EYA1: variants seen among roughly 807,000 people sequenced by gnomAD.
EYA1 encodes the protein protein phosphatase EYA1.
In EYA1, 16 loss-of-function variants were observed where a neutral mutation model predicts 82.0. The observed-to-expected ratio is 0.20, with a 90% confidence interval of 0.13 to 0.30. EYA1 has a LOEUF of 0.30. Ranked by LOEUF, EYA1 falls within the 10% of genes least tolerant of loss-of-function variation. The pLI is 1.00. For synonymous variants in EYA1, 261 were observed against 264.4 expected (o/e 0.99, Z 0.12); for missense variants, 633 against 730.7 (o/e 0.87, Z 1.54).
At chr8:71,513,225 G>GA (rs145445752) in intron 2 of EYA1, among the ~76,000 whole-genome samples, 4,358 of 152,162 alleles carry the variant, frequency 0.029, 220 homozygotes, top group African/African-American at 0.099. Flanking sequence ...TAAATTCACT[G>GA]AAATAGTACA....
At chr8:71,278,023 C>A (rs1207226706) in intron 9 of EYA1, among the ~76,000 whole-genome samples, 1 of 152,154 alleles carries the variant, frequency 6.6e-6, no homozygotes, top group African/African-American at 2.4e-5. Context: ...CTGGAACTCG[C>A]AAGAGTCCAT....
intron 1 of EYA1, among the ~76,000 whole-genome samples, chr8:71,357,747 G>A (rs1827025485): frequency 6.6e-6 from 1 of 152,162 alleles, no homozygotes; most frequent in African/African-American, 2.4e-5. Flanking sequence ...TTGGTATAAT[G>A]TTACGTAAAA....
chr8:71,387,951 T>G (rs1456316703), intron 2 of EYA1, among the ~76,000 whole-genome samples: 6 of 152,070 alleles, frequency 3.9e-5, no homozygotes, highest in Non-Finnish European at 8.8e-5. Context: ...GTAGGAGAAC[T>G]CATAGACTAT....
In EYA1 at chr8:71,361,324, G is replaced by A. The variant is rs116509738; in HGVS notation, c.-55+323C>T. Among the ~76,000 whole-genome samples the A allele has an allele frequency of 4.0e-3, 602 of 152,308 alleles. 4 individuals are homozygous for A. The highest frequency in any genetic ancestry group is 0.013 in the African/African-American group (555 of 41,570). ...GTGCAGCAATTCAGAAAAGAGATAT[G>A]AAGTCATCTCCCTGCAAGAATATGG... On this transcript the variant is annotated intron_variant, in intron 1 of 17. Transcript: ENST00000340726.
intron 16 of EYA1, among the ~76,000 whole-genome samples, chr8:71,212,389 G>C (rs1808619908): frequency 6.6e-6 from 1 of 152,216 alleles, no homozygotes; most frequent in South Asian, 2.1e-4. Flanking sequence ...CAAATGCAAA[G>C]TATAGTCTTC....
At chr8:71,370,382 T>C (rs966612437) in intron 2 of EYA1, among the ~76,000 whole-genome samples, 4 of 148,056 alleles carry the variant, frequency 2.7e-5, no homozygotes, top group Non-Finnish European at 5.9e-5. Context: ...GTATCTAGTA[T>C]GTGCCAGGTA....
chr8:71,229,695 C>T (rs1810969752), intron 12 of EYA1, among the ~76,000 whole-genome samples: 1 of 152,224 alleles, frequency 6.6e-6, no homozygotes, highest in Non-Finnish European at 1.5e-5. Flanking sequence ...AAAATTTGTG[C>T]AGTACTAAAA....
intron 11 of EYA1, among the ~76,000 whole-genome samples, chr8:71,263,683 C>T (rs143890162): frequency 6.6e-6 from 1 of 152,272 alleles, no homozygotes; most frequent in Non-Finnish European, 1.5e-5. Context: ...AGGCAGACAG[C>T]CTTTCTCTCT....
At chr8:71,237,484 C>A (rs1455974856) in intron 12 of EYA1, among the ~76,000 whole-genome samples, 3 of 151,962 alleles carry the variant, frequency 2.0e-5, no homozygotes, top group African/African-American at 7.3e-5. Context: ...TCAGTTGTGT[C>A]TTTAATATTA....
intron 9 of EYA1, among the ~76,000 whole-genome samples, chr8:71,284,783 T>C (rs1818187606): frequency 6.6e-6 from 1 of 152,240 alleles, no homozygotes; most frequent in Admixed American, 6.5e-5. Flanking sequence ...TCTATTTCTC[T>C]AGCCTCAAAT....
intron 3 of EYA1, among the ~76,000 whole-genome samples, chr8:71,348,716 C>T (rs966206798): frequency 2.6e-5 from 4 of 152,182 alleles, no homozygotes; most frequent in African/African-American, 9.7e-5. Context: ...CTTTTACTCC[C>T]AGCCATTCTC....
chr8:71,312,673 G>A (rs1264864394), intron 7 of EYA1, among the ~76,000 whole-genome samples: 1 of 152,050 alleles, frequency 6.6e-6, no homozygotes, highest in Non-Finnish European at 1.5e-5. Context: ...CCTGACCTTG[G>A]GTGATCTGCC....
At chr8:71,494,858 T>C (rs1370719006) in intron 2 of EYA1, among the ~76,000 whole-genome samples, 2 of 151,970 alleles carry the variant, frequency 1.3e-5, no homozygotes, top group Admixed American at 1.3e-4. Context: ...CAATAAAATA[T>C]TCATTAAACA....
At chr8:71,400,029 G>A (rs1439378917) in intron 2 of EYA1, among the ~76,000 whole-genome samples, 1 of 151,412 alleles carries the variant, frequency 6.6e-6, no homozygotes, top group Non-Finnish European at 1.5e-5. Flanking sequence ...ACAAACCTGA[G>A]AAACAGCAAT....
At chr8:71,336,579 T>A (rs1020108460) in intron 3 of EYA1, among the ~76,000 whole-genome samples, 1 of 152,232 alleles carries the variant, frequency 6.6e-6, no homozygotes, top group African/African-American at 2.4e-5. Context: ...ATGATTAGCT[T>A]AATCGAATGT....
chr8:71,272,467 G>A (rs183026028), intron 9 of EYA1, among the ~76,000 whole-genome samples: 8 of 152,052 alleles, frequency 5.3e-5, no homozygotes, highest in East Asian at 3.8e-4. Context: ...GACAATACCC[G>A]TACTCCACAC....
At chr8:71,233,123 G>A (rs1477953119) in intron 12 of EYA1, among the ~76,000 whole-genome samples, 1 of 152,142 alleles carries the variant, frequency 6.6e-6, no homozygotes, top group Non-Finnish European at 1.5e-5. Flanking sequence ...GCTGGAATAA[G>A]AGAGCCATGA....
chr8:71,316,377 T>C (rs938878866), intron 7 of EYA1, among the ~76,000 whole-genome samples: 1 of 152,182 alleles, frequency 6.6e-6, no homozygotes, highest in African/African-American at 2.4e-5. Flanking sequence ...GATATATCTA[T>C]TTAGGGAATT....
At chr8:71,481,499 A>C (rs1810156040) in intron 2 of EYA1, among the ~76,000 whole-genome samples, 1 of 152,206 alleles carries the variant, frequency 6.6e-6, no homozygotes, top group African/African-American at 2.4e-5. Context: ...CTTAATTCTG[A>C]AAAAGAAAAA....
Sources: gnomAD v4.1 joint callset for allele counts (sites outside exome capture counted in the v4.1 genomes callset) on GRCh38, gnomAD v4.1.1 for gene constraint, MANE v1.5 for transcripts, NCBI Gene and HGNC (gene_info 2026-07-23, HGNC 2026-07-21) for gene names.